DTNA: variants seen among roughly 807,000 people sequenced by gnomAD.
DTNA encodes the protein dystrophin-related protein 3.
Under a neutral mutation model 100.7 loss-of-function variants are expected in DTNA, and 43 were observed. That is an observed-to-expected ratio of 0.43 (90% CI 0.33 to 0.55). The LOEUF is 0.55. Among genes scored for constraint, DTNA ranks in the 20% least tolerant of loss-of-function variants. The pLI is 0.04. For synonymous variants in DTNA, 349 were observed against 347.9 expected (o/e 1.00, Z -0.04); for missense variants, 798 against 953.9 (o/e 0.84, Z 2.15).
intron 1 of DTNA, among the ~76,000 whole-genome samples, chr18:34,697,063 G>A (rs564295136): frequency 4.6e-5 from 7 of 152,302 alleles, no homozygotes; most frequent in African/African-American, 1.7e-4. Flanking sequence ...TAAAAGTAAA[G>A]AATGATCTAG....
chr18:34,544,334 A>G (rs1042501367), intron 1 of DTNA, among the ~76,000 whole-genome samples: 2 of 152,110 alleles, frequency 1.3e-5, no homozygotes, highest in African/African-American at 2.4e-5. Flanking sequence ...TTTAAAAAAA[A>G]TAATAGAAAC....
At chr18:34,852,681 C>G (rs2096495699) in intron 15 of DTNA, among the ~76,000 whole-genome samples, 1 of 152,186 alleles carries the variant, frequency 6.6e-6, no homozygotes, top group Non-Finnish European at 1.5e-5. Flanking sequence ...AGCACACTCC[C>G]ACCTCCCATG....
rs528448533 is a variant in DTNA, at chr18:34,521,005, T to C, written c.-2+27491T>C. On this transcript the variant is annotated intron_variant, in intron 1 of 19. Transcript: ENST00000283365. ...ACCACAACATAAAAGCCATCACTTA[T>C]TGAGCATTCACTAGGTGACAGATGT... 3.3e-5 allele frequency among the ~76,000 whole-genome samples: 5 copies of C among 152,338 alleles called. No individual in the cohort carries two copies. The East Asian group carries it at 7.7e-4, about 23-fold the overall frequency.
At chr18:34,629,609 T>G (rs16965685) in intron 1 of DTNA, among the ~76,000 whole-genome samples, 4,024 of 152,232 alleles carry the variant, frequency 0.026, 186 homozygotes, top group African/African-American at 0.092. Flanking sequence ...TTTCAGGCAA[T>G]CCTAAGATGC....
At chr18:34,521,044 G>A (rs1042093482) in intron 1 of DTNA, among the ~76,000 whole-genome samples, 8 of 152,064 alleles carry the variant, frequency 5.3e-5, no homozygotes, top group African/African-American at 1.9e-4. Flanking sequence ...TTTAGTATTT[G>A]GACTGTATTT....
At chr18:34,854,557 C>A (rs1244144372) in intron 15 of DTNA, among the ~76,000 whole-genome samples, 2 of 152,164 alleles carry the variant, frequency 1.3e-5, no homozygotes, top group African/African-American at 4.8e-5. Context: ...GAAGGCTGTG[C>A]CAGCTTGAGG....
At chr18:34,656,732 CAA>C (rs2074426538) in intron 1 of DTNA, among the ~76,000 whole-genome samples, 1 of 152,052 alleles carries the variant, frequency 6.6e-6, no homozygotes, top group African/African-American at 2.4e-5. Context: ...AAAACTGAAA[CAA>C]AGAGAAGAGA....
intron 5 of DTNA, among the ~76,000 whole-genome samples, chr18:34,810,212 T>C (rs993287819): frequency 2.0e-5 from 3 of 152,164 alleles, no homozygotes; most frequent in Non-Finnish European, 2.9e-5. Flanking sequence ...TGCATATTTA[T>C]TGAGTTTCTA....
rs1024644800 is a variant in DTNA at position 34,889,234 on chromosome 18, A to G, written c.*1500A>G. 7 of 985,410 alleles carry G rather than the reference A, an allele frequency of 7.1e-6. No homozygotes were observed. The highest frequency in any genetic ancestry group is 8.4e-6 in the Non-Finnish European group (7 of 829,940). The allele number at this position is 985,410 out of a possible 1,614,324, so 61.0% of individuals were successfully genotyped here. On this transcript the variant is annotated 3_prime_UTR_variant, in exon 23 of 23. Transcript: ENST00000444659. Reference sequence around the variant, plus strand: ...AAAAGAAAGGAGAGAACATTTTAGAACAATAGTTCTCAAAGTGTGTTCCCC... The same window carrying G: ...AAAAGAAAGGAGAGAACATTTTAGAGCAATAGTTCTCAAAGTGTGTTCCCC...
chr18:34,783,112 G>C (rs539309948), intron 3 of DTNA, among the ~76,000 whole-genome samples: 4 of 152,164 alleles, frequency 2.6e-5, no homozygotes, highest in African/African-American at 9.7e-5. Context: ...TTATCATTCA[G>C]ATCTGTCTTT....
chr18:34,599,870 G>A (rs776551055), intron 1 of DTNA, among the ~76,000 whole-genome samples: 5 of 152,082 alleles, frequency 3.3e-5, no homozygotes, highest in East Asian at 3.9e-4. Flanking sequence ...GTAGAGACAG[G>A]CTTTCATCAT....
At chr18:34,852,871 A>G (rs1266902117) in intron 15 of DTNA, among the ~76,000 whole-genome samples, 3 of 152,210 alleles carry the variant, frequency 2.0e-5, no homozygotes, top group African/African-American at 7.2e-5. Context: ...AGTCTCAATT[A>G]CATACCCCTG....
chr18:34,624,384 T>C (rs569239253), intron 1 of DTNA, among the ~76,000 whole-genome samples: 1 of 152,332 alleles, frequency 6.6e-6, no homozygotes, highest in East Asian at 1.9e-4. Context: ...TGTTGAAATA[T>C]CTGTTATTGC....
At chr18:34,781,003 A>G (rs7236426) in intron 3 of DTNA, among the ~76,000 whole-genome samples, 21,475 of 152,162 alleles carry the variant, frequency 0.14, 1,599 homozygotes, top group African/African-American at 0.17. Flanking sequence ...GTGGTAGCTA[A>G]GTTCCAGGTG....
At chr18:34,704,971 G>T (rs1469734125) in intron 1 of DTNA, among the ~76,000 whole-genome samples, 4 of 152,082 alleles carry the variant, frequency 2.6e-5, no homozygotes, top group African/African-American at 9.7e-5. Context: ...ACAGGATATG[G>T]GAATGTCACA....
chr18:34,838,811 C>T lies in DTNA; in HGVS notation c.1320C>T (p.Val440=). 6.2e-7 allele frequency: 1 copy of T among 1,613,682 alleles called. No homozygotes were observed. The highest frequency in any genetic ancestry group is 1.3e-5 in the African/African-American group (1 of 74,990). Residue 440 remains valine (V), a synonymous_variant, in exon 13 of 23, where the codon GTC becomes GTT. Coordinates refer to ENST00000444659, the MANE Select transcript of DTNA (RefSeq NM_001386795.1). ...ADEHVLIGLY[V]NMLRNNPSCM... ...AACATGTTCTCATCGGGTTGTATGT[C>T]AACATGCTCCGGAACAACCCCTCAT...
At chr18:34,589,721 C>T (rs142526656) in intron 1 of DTNA, among the ~76,000 whole-genome samples, 50 of 152,276 alleles carry the variant, frequency 3.3e-4, no homozygotes, top group African/African-American at 9.1e-4. Context: ...TAAATCTCTA[C>T]GCTTAACTAT....
chr18:34,806,193 G>T lies in DTNA; in HGVS notation c.363-26G>T, dbSNP rs547206002. 1.9e-6 allele frequency: 3 copies of T among 1,600,352 alleles called. No homozygotes were observed. The highest frequency in any genetic ancestry group is 2.2e-5 in the East Asian group (1 of 44,716). ...ATGGTTTTGTTTTGTTTTTGTTTTT[G>T]TTTTTTTTCTATTACCATTAAACAG... is the stretch of plus-strand genomic sequence containing the variant. On this transcript the variant is annotated intron_variant, in intron 4 of 22. Transcript: ENST00000444659.
intron 6 of DTNA, among the ~76,000 whole-genome samples, chr18:34,814,376 G>C (rs1176274373): frequency 1.3e-5 from 2 of 150,722 alleles, no homozygotes; most frequent in African/African-American, 4.8e-5. Flanking sequence ...AATAGGACTG[G>C]GTTTTAAAAA....
Sources: gnomAD v4.1 joint callset for allele counts (sites outside exome capture counted in the v4.1 genomes callset) on GRCh38, gnomAD v4.1.1 for gene constraint, MANE v1.5 for transcripts, NCBI Gene and HGNC (gene_info 2026-07-23, HGNC 2026-07-21) for gene names.